The following MTF1 variants were observed in gnomAD, a reference collection of about 807,000 sequenced individuals.
The protein encoded by MTF1 is metal regulatory transcription factor 1.
A neutral mutation model predicts 70.4 loss-of-function variants in MTF1; 22 were observed. The observed-to-expected ratio is 0.31, with a 90% CI of 0.22 to 0.45. MTF1 has a LOEUF of 0.45. Ranked by LOEUF, MTF1 falls within the 20% of genes least tolerant of loss-of-function variation. The pLI is 1.00. For missense variants in MTF1, 649 were observed against 922.0 expected (o/e 0.70, Z 3.83); for synonymous variants, 333 against 352.8 (o/e 0.94, Z 0.63).
rs549761263 is a variant in MTF1 at position 37,839,829 on chromosome 1, G to A, written c.647+91C>T. 93 of 1,018,298 alleles carry A rather than the reference G, an allele frequency of 9.1e-5. 1 individual carries two copies. In the South Asian group the frequency reaches 1.3e-3, roughly 14 times the overall value. The allele number at this position is 1,018,298 out of a possible 1,614,324, so 63.1% of individuals were successfully genotyped here. ...GCTGCGCTCTTTTAAAGCCCTGAAA[G>A]TGAAAACAACTCCTCTGCAAGGGGA... is the stretch of plus-strand genomic sequence containing the variant. On this transcript the variant is annotated intron_variant, in intron 3 of 10. Coordinates refer to ENST00000373036, the MANE Select transcript of MTF1 (RefSeq NM_005955.3).
intron 2 of MTF1, among the ~76,000 whole-genome samples, chr1:37,853,560 G>A (rs1641448487): frequency 6.6e-6 from 1 of 152,206 alleles, no homozygotes; most frequent in South Asian, 2.1e-4. Context: ...AGAAAAAAGT[G>A]TGCTGACTCT....
At chr1:37,857,818 TG>T in intron 1 of MTF1, 109 bp from the exon 2 acceptor site, 1 of 615,530 alleles carries the variant, frequency 1.6e-6, no homozygotes, top group East Asian at 2.8e-5. Context: ...CCAAAGCAAA[TG>T]AAAAACCATC....
At chr1:37,829,990 T>TG (rs1183298304) in intron 7 of MTF1, among the ~76,000 whole-genome samples, 1 of 152,118 alleles carries the variant, frequency 6.6e-6, no homozygotes, top group African/African-American at 2.4e-5. Flanking sequence ...CATAAGTACT[T>TG]GGTGTCCCCT....
intron 6 of MTF1, among the ~76,000 whole-genome samples, chr1:37,834,038 C>G (rs902302948): frequency 3.9e-5 from 6 of 151,924 alleles, no homozygotes; most frequent in Non-Finnish European, 7.4e-5. Flanking sequence ...CCGGCCCAGG[C>G]AACATGGTGA....
chr1:37,822,075 G>A (rs1250348555), intron 9 of MTF1, 46 bp downstream of exon 9: 1 of 1,451,898 alleles, frequency 6.9e-7, no homozygotes, highest in Non-Finnish European at 9.4e-7. Context: ...TGTCACCTAT[G>A]TAAATACACT....
intron 9 of MTF1, among the ~76,000 whole-genome samples, chr1:37,817,785 T>C (rs1349590398): frequency 6.6e-6 from 1 of 152,226 alleles, no homozygotes; most frequent in African/African-American, 2.4e-5. Context: ...CTCAAGCAGA[T>C]TGTCTTCTCA....
chr1:37,832,180 C>T, intron 7 of MTF1, 65 bp downstream of exon 7: 8 of 1,050,300 alleles, frequency 7.6e-6, no homozygotes, highest in Non-Finnish European at 1.0e-5. Flanking sequence ...CTCAATTTTC[C>T]CACCAAAGGG....
rs200577823 is a variant in MTF1, at chr1:37,822,666, G to A, written c.1222C>T (p.Pro408Ser). The A allele has an allele frequency of 1.2e-6, 2 of 1,613,626 alleles. No homozygotes were observed. Among genetic ancestry groups the A allele is most frequent in the Non-Finnish European group, 1.7e-6 (2 of 1,180,002 alleles). The change falls in exon 9 of 11, where the codon CCG (proline) becomes TCG (serine). Residue 408 changes from proline (P) to serine (S), a missense_variant. Physicochemically the swap from Pro to Ser is moderately conservative, Grantham distance 74. Around this residue, in one of 7 missense-constraint regions of MTF1, gnomAD observed 267 missense variants for 292.1 expected, o/e 0.91. Coordinates refer to ENST00000373036, the MANE Select transcript of MTF1 (RefSeq NM_005955.3). ...NGDAESVSDV[P>S]PSTGNSASLS... ...GATGCTGAATTTCCTGTGGATGGCG[G>A]AACATCACTGACTGACTCTGCATCA...
intron 7 of MTF1, among the ~76,000 whole-genome samples, chr1:37,829,600 G>A (rs1187177407): frequency 6.6e-6 from 1 of 152,040 alleles, no homozygotes; most frequent in Non-Finnish European, 1.5e-5. Context: ...GGCTAGCATG[G>A]TGAAACCCTG....
intron 10 of MTF1, among the ~76,000 whole-genome samples, chr1:37,816,688 AAAAG>A (rs1557584848): frequency 1.3e-5 from 2 of 151,348 alleles, no homozygotes; most frequent in African/African-American, 4.8e-5. Flanking sequence ...AAAAAAAAAA[AAAAG>A]AAAGAAAAAA....
At chr1:37,828,494 G>A (rs755016067) in intron 7 of MTF1, among the ~76,000 whole-genome samples, 7 of 152,086 alleles carry the variant, frequency 4.6e-5, no homozygotes, top group Non-Finnish European at 7.4e-5. Context: ...TAGTAGAGAC[G>A]GAGTTTAGCC....
chr1:37,836,854 T>C (rs904020120), intron 4 of MTF1, among the ~76,000 whole-genome samples: 1 of 152,036 alleles, frequency 6.6e-6, no homozygotes, highest in Non-Finnish European at 1.5e-5. Flanking sequence ...TCATTGAATA[T>C]TCAAGAAAAA....
At chr1:37,821,022 T>C (rs1640901276) in intron 9 of MTF1, among the ~76,000 whole-genome samples, 1 of 151,896 alleles carries the variant, frequency 6.6e-6, no homozygotes, top group Non-Finnish European at 1.5e-5. Context: ...CTACAAAAAA[T>C]ACAAAAAATT....
Position 37,815,448 on chromosome 1 carries a change from T to C in MTF1, c.1950A>G (p.Arg650=). The C allele has an allele frequency of 3.1e-6, 5 of 1,609,170 alleles. No homozygotes were observed. The highest frequency in any genetic ancestry group is 4.2e-6 in the Non-Finnish European group (5 of 1,177,342). ...GAGGGGGTGGGGAGGAGCAGCCCTT[T>C]CTCCTGCTGGATGCCCGCTCCTTTG... The part of the protein sequence containing the change: ...DSAKERASSR[R]KGCSSPPPPE... The change falls in exon 11 of 11, where the codon AGA becomes AGG. Residue 650 remains arginine (R), a synonymous_variant. Coordinates refer to ENST00000373036, the MANE Select transcript of MTF1 (RefSeq NM_005955.3). The surrounding 1 kb of genome is among the most constrained non-coding windows in gnomAD (Gnocchi z 4.5).
At chr1:37,852,496 A>G (rs1278201378) in intron 2 of MTF1, among the ~76,000 whole-genome samples, 1 of 152,204 alleles carries the variant, frequency 6.6e-6, no homozygotes, top group African/African-American at 2.4e-5. Flanking sequence ...CTCTGTTAAA[A>G]TATCTACCAC....
intron 2 of MTF1, among the ~76,000 whole-genome samples, chr1:37,852,439 G>C (rs1641430006): frequency 6.6e-6 from 1 of 152,162 alleles, no homozygotes; most frequent in Non-Finnish European, 1.5e-5. Context: ...GCGGAGAGCA[G>C]AGTTAGCCAC....
At chr1:37,830,435 A>G (rs551942617) in intron 7 of MTF1, among the ~76,000 whole-genome samples, 2 of 152,214 alleles carry the variant, frequency 1.3e-5, no homozygotes, top group South Asian at 4.1e-4. Flanking sequence ...GAGATTTCCT[A>G]TTTGTTCAAT....
chr1:37,852,608 A>G (rs1389148919), intron 2 of MTF1, among the ~76,000 whole-genome samples: 4 of 151,838 alleles, frequency 2.6e-5, no homozygotes, highest in African/African-American at 7.3e-5. Flanking sequence ...AAATGGATGA[A>G]TCCTTTCAAT....
chr1:37,850,240 C>CAAAAAAAAAA (rs5773605), intron 2 of MTF1, among the ~76,000 whole-genome samples: 3 of 66,332 alleles, frequency 4.5e-5, no homozygotes, highest in Non-Finnish European at 5.6e-5. Flanking sequence ...CTGTCTCAAC[C>CAAAAAAAAAA]AAAAAAAAAA....
Sources: gnomAD v4.1 joint callset for allele counts (sites outside exome capture counted in the v4.1 genomes callset) on GRCh38, gnomAD v4.1.1 for gene constraint, gnomAD v4.1.1 regional missense constraint, Gnocchi (gnomAD v3.1) non-coding constraint, MANE v1.5 for transcripts, NCBI Gene and HGNC (gene_info 2026-07-23, HGNC 2026-07-21) for gene names.